OSBPL5: variants seen among roughly 807,000 people sequenced by gnomAD.
OSBPL5 encodes the protein oxysterol binding protein like 5, also known as oxysterol-binding protein-related protein 5.
OSBPL5 carries 71 observed loss-of-function variants against 111.2 expected under a neutral mutation model. The ratio of observed to expected loss-of-function variants is 0.64; its 90% confidence interval spans 0.53 to 0.78. The LOEUF is 0.78. Among genes scored for constraint, OSBPL5 ranks in the 30% least tolerant of loss-of-function variants. The probability of loss-of-function intolerance (pLI) is 0.00; values close to 1 mark genes in which losing one functional copy is unlikely to be tolerated. For synonymous variants in OSBPL5, 549 were observed against 513.9 expected (o/e 1.07, Z -0.93); for missense variants, 1,210 against 1,189.3 (o/e 1.02, Z -0.26).
chr11:3,118,712 C>T (rs529986606), intron 7 of OSBPL5, among the ~76,000 whole-genome samples: 1 of 151,660 alleles, frequency 6.6e-6, no homozygotes, highest in Admixed American at 6.6e-5. Flanking sequence ...GTTGGGATCA[C>T]GGGCACCCAC....
chr11:3,132,036 T>TCCATCCAC (rs1237957168), intron 1 of OSBPL5, among the ~76,000 whole-genome samples: 1 of 129,990 alleles, frequency 7.7e-6, no homozygotes, highest in East Asian at 2.7e-4. Context: ...CATCCATCCA[T>TCCATCCAC]CCATCCATCC....
rs1223360909 is a variant in OSBPL5, at chr11:3,092,199, CAG to C, written c.2259+231_2259+232del. 6.6e-6 allele frequency among the ~76,000 whole-genome samples: 1 copy of C among 151,892 alleles called. No individual in the cohort carries two copies. Among genetic ancestry groups the C allele is most frequent in the East Asian group, 1.9e-4 (1 of 5,184 alleles). On this transcript the variant is annotated intron_variant, in intron 19 of 21. Coordinates refer to ENST00000263650, the MANE Select transcript of OSBPL5 (RefSeq NM_020896.4). This position sits in a 1 kb window ranked among gnomAD's most constrained non-coding sequence, Gnocchi z 5.4. ...AGACTTTGGGGGCAGTGGACAGAGACAGTAGACACAGGGTCCCACAAGCCAAG... is the reference window on the plus strand; with the variant it reads ...AGACTTTGGGGGCAGTGGACAGAGACTAGACACAGGGTCCCACAAGCCAAG...
intron 7 of OSBPL5, among the ~76,000 whole-genome samples, chr11:3,108,292 C>T (rs1542189): frequency 0.37 from 55,515 of 148,172 alleles, 12,634 homozygotes; most frequent in East Asian, 0.79. Context: ...ACATTGCTGA[C>T]GAGGGGCTGG....
At chr11:3,155,377 G>A (rs1346575679) in intron 1 of OSBPL5, among the ~76,000 whole-genome samples, 1 of 152,176 alleles carries the variant, frequency 6.6e-6, no homozygotes, top group Non-Finnish European at 1.5e-5. Context: ...CTTCCCAGCT[G>A]GTGACCTGGG....
chr11:3,103,815 C>CCTCTGCAGCCCCTTTCCAGT (rs1564830414), intron 10 of OSBPL5, among the ~76,000 whole-genome samples: 15 of 35,374 alleles, frequency 4.2e-4, no homozygotes, highest in African/African-American at 6.9e-4. Context: ...CCTCTTCCTG[C>CCTCTGCAGCCCCTTTCCAGT]CTGCGCAGCC....
At chr11:3,132,494 G>A (rs896763043) in intron 1 of OSBPL5, among the ~76,000 whole-genome samples, 1 of 152,088 alleles carries the variant, frequency 6.6e-6, no homozygotes, top group Non-Finnish European at 1.5e-5. Flanking sequence ...TCTCCCCAGT[G>A]GCTCCATATG....
chr11:3,157,218 C>G (rs4758472), intron 1 of OSBPL5, among the ~76,000 whole-genome samples: 11 of 152,006 alleles, frequency 7.2e-5, no homozygotes, highest in South Asian at 2.1e-4. Flanking sequence ...CGGTGCTTCC[C>G]GAGCACGTGG....
intron 1 of OSBPL5, among the ~76,000 whole-genome samples, chr11:3,164,979 G>T (rs1193788250): frequency 6.7e-6 from 1 of 149,078 alleles, no homozygotes; most frequent in East Asian, 2.0e-4. Flanking sequence ...CTGGCCCGGG[G>T]CGCCCCCAGG....
At position 3,160,677 on chromosome 11, in the gene OSBPL5, C is replaced by A. The variant is rs1388726305; in HGVS notation, c.-22+4539G>T. Among the ~76,000 whole-genome samples, 4 of 143,552 alleles carry A rather than the reference C, an allele frequency of 2.8e-5. No homozygotes were observed. In the East Asian group the frequency reaches 7.4e-4, roughly 26 times the overall value. 94.2% of individuals were successfully genotyped at this position (143,552 alleles called of 152,430 possible). On this transcript the variant is annotated intron_variant, in intron 1 of 21. Coordinates refer to ENST00000263650, the MANE Select transcript of OSBPL5 (RefSeq NM_020896.4). ...TCCCCTTTAAATGACAACCCTCCCC[C>A]CCCCCACCCCGCCCCCACACCGAGC...
At position 3,104,250 on chromosome 11, in the gene OSBPL5, G is replaced by A. The variant is rs1857620038; in HGVS notation, c.1187C>T (p.Pro396Leu). Residue 396 changes from proline to leucine, a missense_variant, in exon 10 of 22, where the codon CCG (proline) becomes CTG (leucine). Pro to Leu is a moderately conservative substitution (Grantham distance 98). Coordinates refer to ENST00000263650, the MANE Select transcript of OSBPL5 (RefSeq NM_020896.4). This position sits in a 1 kb window ranked among gnomAD's most constrained non-coding sequence, Gnocchi z 5.0. ...GGAGAGCTTGTTCAGGAAGGAGCGCGGCTCCAGTACGAACGTGGGTAGCAC... is the reference window on the plus strand; with the variant it reads ...GGAGAGCTTGTTCAGGAAGGAGCGCAGCTCCAGTACGAACGTGGGTAGCAC... Reference protein sequence around the residue: ...RVVLPTFVLEPRSFLNKLSDY... With the variant: ...RVVLPTFVLELRSFLNKLSDY... 8 of 1,613,546 alleles carry A rather than the reference G, an allele frequency of 5.0e-6. No individual in the cohort carries two copies. Among genetic ancestry groups the A allele is most frequent in the Non-Finnish European group, 6.8e-6 (8 of 1,179,802 alleles).
At chr11:3,097,109 G>A (rs1418906390) in intron 14 of OSBPL5, among the ~76,000 whole-genome samples, 570 of 38,932 alleles carry the variant, frequency 0.015, no homozygotes, top group East Asian at 0.031. Context: ...GAAGATGGGA[G>A]GAGGAGGAGA....
chr11:3,093,616 A>G lies in OSBPL5; in HGVS notation c.1857T>C (p.Leu619=), dbSNP rs1366228670. 1 of 1,613,010 alleles carries G rather than the reference A, an allele frequency of 6.2e-7. No individual in the cohort carries two copies. The highest frequency in any genetic ancestry group is 8.5e-7 in the Non-Finnish European group (1 of 1,179,950). ...GGACCTCCCCGCTCGGGGTCCAGAAAAGCGCACTGCTTCCGCTCCCTTCCT... is the reference window on the plus strand; with the variant it reads ...GGACCTCCCCGCTCGGGGTCCAGAAGAGCGCACTGCTTCCGCTCCCTTCCT... ...IKEEGSGSSA[L]FWTPSGEVRR... is the part of the protein sequence containing the mutation. Residue 619 remains leucine (L), a synonymous_variant, in exon 17 of 22, where the codon CTT becomes CTC. Transcript: ENST00000263650.
At chr11:3,111,692 A>G (rs1174790751) in intron 7 of OSBPL5, among the ~76,000 whole-genome samples, 1 of 151,988 alleles carries the variant, frequency 6.6e-6, no homozygotes, top group African/African-American at 2.4e-5. Context: ...CCCACACACA[A>G]TGGTGGCGTG....
chr11:3,109,914 CA>C lies in OSBPL5; in HGVS notation c.692-1970del, dbSNP rs769057169. Among the ~76,000 whole-genome samples, 39 of 152,334 alleles carry C rather than the reference CA, an allele frequency of 2.6e-4. No individual in the cohort carries two copies. Among genetic ancestry groups the C allele is most frequent in the Non-Finnish European group, 4.3e-4 (29 of 68,020 alleles). ...CCCTGATACCCACAGGGGCTGCAGA[CA>C]CCTCTCCTCCCGAATGGTGGCCCAC... On this transcript the variant is annotated intron_variant, in intron 7 of 21. Coordinates refer to ENST00000263650, the MANE Select transcript of OSBPL5 (RefSeq NM_020896.4). The surrounding 1 kb of genome is among the most constrained non-coding windows in gnomAD (Gnocchi z 7.4).
chr11:3,091,248 A>T (rs1328552777), intron 19 of OSBPL5, among the ~76,000 whole-genome samples: 1 of 152,278 alleles, frequency 6.6e-6, no homozygotes, highest in Non-Finnish European at 1.5e-5. Context: ...AACCCAGGAC[A>T]GGAACTGATG....
intron 7 of OSBPL5, among the ~76,000 whole-genome samples, chr11:3,111,788 C>G (rs1044924041): frequency 6.6e-6 from 1 of 152,066 alleles, no homozygotes; most frequent in African/African-American, 2.4e-5. Context: ...ATTCATATAA[C>G]AAGGCCACAT....
intron 14 of OSBPL5, among the ~76,000 whole-genome samples, chr11:3,097,140 A>AGGAGGAGGAGAGGAAAGAGGGGGAAGATG (rs1857299677): frequency 8.2e-6 from 1 of 122,454 alleles, no homozygotes; most frequent in Non-Finnish European, 1.7e-5. Context: ...GGAAGATGGG[A>AGGAGGAGGAGAGGAAAGAGGGGGAAGATG]GGAGGAGGAG....
chr11:3,091,524 G>GC (rs1361466519), intron 19 of OSBPL5, among the ~76,000 whole-genome samples: 1 of 152,148 alleles, frequency 6.6e-6, no homozygotes, highest in Non-Finnish European at 1.5e-5. Flanking sequence ...AGAGGGCATT[G>GC]GGGGTGGACA....
rs774192603 is a variant in OSBPL5, at chr11:3,114,591, A to ACTTTTTTTTTTTTTTTTTTTTT, written c.691+4955_691+4956insAAAAAAAAAAAAAAAAAAAAAG. On this transcript the variant is annotated intron_variant, in intron 7 of 21. Transcript: ENST00000263650. ...GACTAAAGAATTGGTTAGAACAATG[A>ACTTTTTTTTTTTTTTTTTTTTT]TTTTTTTTTTTTTTTTTTTTTTTTT... 3.5e-4 allele frequency among the ~76,000 whole-genome samples: 40 copies of ACTTTTTTTTTTTTTTTTTTTTT among 113,900 alleles called. 15 individuals are homozygous for ACTTTTTTTTTTTTTTTTTTTTT. The highest frequency in any genetic ancestry group is 3.1e-4 in the Non-Finnish European group (18 of 58,430). The allele number at this position is 113,900 out of a possible 152,430, so 74.7% of individuals were successfully genotyped here.
Sources: allele counts gnomAD v4.1 joint callset (sites outside exome capture counted in the v4.1 genomes callset), GRCh38; gene constraint gnomAD v4.1.1; non-coding constraint Gnocchi (gnomAD v3.1); transcripts MANE v1.5; gene names NCBI Gene and HGNC (gene_info 2026-07-23, HGNC 2026-07-21).